The following KLHL1 variants were observed in gnomAD, a reference collection of about 807,000 sequenced individuals.
KLHL1 encodes kelch like family member 1.
A neutral mutation model predicts 77.7 loss-of-function variants in KLHL1; 47 were observed. The ratio of observed to expected loss-of-function variants is 0.60; its 90% CI spans 0.48 to 0.77. KLHL1 has a LOEUF of 0.77. Ranked by LOEUF, KLHL1 falls within the 30% of genes least tolerant of loss-of-function variation. The pLI is 0.00. For synonymous variants in KLHL1, 360 were observed against 325.2 expected (o/e 1.11, Z -1.15); for missense variants, 925 against 910.8 (o/e 1.02, Z -0.20).
intron 5 of KLHL1, among the ~76,000 whole-genome samples, chr13:69,851,966 C>T (rs914537785): frequency 6.6e-6 from 1 of 151,744 alleles, no homozygotes; most frequent in African/African-American, 2.4e-5. Context: ...ACTGTATTAG[C>T]TAAATGGGGT....
chr13:69,935,598 T>C lies in KLHL1; in HGVS notation c.1014+4442A>G, dbSNP rs186431925. Among the ~76,000 whole-genome samples the C allele has an allele frequency of 6.8e-4, 104 of 152,090 alleles. 1 individual carries two copies. The highest frequency in any genetic ancestry group is 7.9e-4 in the Non-Finnish European group (54 of 67,968). On this transcript the variant is annotated intron_variant, in intron 4 of 10. Transcript: ENST00000377844. ...ACATTTGACAAAGATCTGAATGAGG[T>C]AGAGAAGAAACAGATATAAATATTT...
intron 6 of KLHL1, among the ~76,000 whole-genome samples, chr13:69,832,068 G>C (rs1566302830): frequency 6.7e-6 from 1 of 149,714 alleles, no homozygotes; most frequent in Non-Finnish European, 1.5e-5. Flanking sequence ...TTACCACTTG[G>C]ATTCAACATA....
At chr13:69,975,865 TA>T in intron 1 of KLHL1, 63 bp from the exon 2 acceptor site, 1 of 1,458,524 alleles carries the variant, frequency 6.9e-7, no homozygotes, top group African/African-American at 1.5e-5. Flanking sequence ...AAGAGCCAAT[TA>T]TCTAGAATAA....
chr13:69,867,932 A>G (rs143252634), intron 5 of KLHL1, among the ~76,000 whole-genome samples: 2,719 of 152,106 alleles, frequency 0.018, 46 homozygotes, highest in Non-Finnish European at 0.027. Flanking sequence ...CAGCACACCA[A>G]CATGAAACAT....
intron 7 of KLHL1, among the ~76,000 whole-genome samples, chr13:69,743,515 T>G (rs1874069863): frequency 6.6e-6 from 1 of 152,190 alleles, no homozygotes; most frequent in Admixed American, 6.6e-5. Context: ...CTGGACGTGG[T>G]GGCTCACGCC....
intron 4 of KLHL1, among the ~76,000 whole-genome samples, chr13:69,911,740 C>A (rs1031303076): frequency 2.0e-5 from 3 of 152,004 alleles, no homozygotes; most frequent in Non-Finnish European, 2.9e-5. Flanking sequence ...TATAGTTGAG[C>A]CACTAAATGA....
intron 1 of KLHL1, among the ~76,000 whole-genome samples, chr13:69,978,533 T>C (rs113624660): frequency 0.33 from 49,657 of 150,602 alleles, 8,958 homozygotes; most frequent in African/African-American, 0.47. Context: ...GTCGCCCAGG[T>C]TGGGGTGCAG....
chr13:69,789,318 T>TTA (rs2138023486), intron 7 of KLHL1, among the ~76,000 whole-genome samples: 2 of 150,630 alleles, frequency 1.3e-5, no homozygotes, highest in South Asian at 4.2e-4. Context: ...AAAATAAGTC[T>TTA]TATTTAATAA....
chr13:69,949,702 T>C (rs1007010467), intron 3 of KLHL1, among the ~76,000 whole-genome samples: 1 of 151,794 alleles, frequency 6.6e-6, no homozygotes, highest in Non-Finnish European at 1.5e-5. Flanking sequence ...CTATTCTCCA[T>C]CATTTATTGG....
rs1888113219 is a variant in KLHL1, at chr13:70,107,847, G to A, written c.-148C>T. 1 of 623,220 alleles carries A rather than the reference G, an allele frequency of 1.6e-6. No individual in the cohort carries two copies. The highest frequency in any genetic ancestry group is 2.6e-6 in the Non-Finnish European group (1 of 380,934). 38.6% of individuals were successfully genotyped at this position (623,220 alleles called of 1,614,324 possible). On this transcript the variant is annotated 5_prime_UTR_variant, in exon 1 of 11. Coordinates refer to ENST00000377844, the MANE Select transcript of KLHL1 (RefSeq NM_020866.3). ...AGCCAGAAGACGCTAGGTGGGCTGC[G>A]CGCTCTGCCAGGCGAAGGCTGGAGC...
At chr13:69,785,516 A>G (rs553241637) in intron 7 of KLHL1, among the ~76,000 whole-genome samples, 2 of 152,184 alleles carry the variant, frequency 1.3e-5, no homozygotes, top group East Asian at 1.9e-4. Flanking sequence ...GTGTGTGGGT[A>G]GAGGGAAATT....
chr13:69,780,709 T>TAC (rs1555267653), intron 7 of KLHL1, among the ~76,000 whole-genome samples: 18 of 37,334 alleles, frequency 4.8e-4, no homozygotes, highest in African/African-American at 2.4e-3. Context: ...TATGTATATA[T>TAC]ATATATGTAT....
intron 1 of KLHL1, among the ~76,000 whole-genome samples, chr13:70,011,824 C>T (rs766443685): frequency 1.3e-5 from 2 of 152,090 alleles, no homozygotes; most frequent in Non-Finnish European, 2.9e-5. Flanking sequence ...CCGTATTTGT[C>T]CATTTTCATG....
At chr13:69,982,441 A>AATG (rs1159682956) in intron 1 of KLHL1, among the ~76,000 whole-genome samples, 1 of 76,116 alleles carries the variant, frequency 1.3e-5, no homozygotes, top group Non-Finnish European at 2.7e-5. Context: ...ATCTCCAAAT[A>AATG]ATAATAATAA....
chr13:69,722,811 C>T (rs1315765564), intron 8 of KLHL1, among the ~76,000 whole-genome samples: 2 of 151,934 alleles, frequency 1.3e-5, no homozygotes, highest in Non-Finnish European at 2.9e-5. Context: ...AGCAATCTCA[C>T]TACTTGGTGT....
chr13:70,105,581 T>C lies in KLHL1; in HGVS notation c.497+1622A>G, dbSNP rs1593748504. 3.3e-5 allele frequency among the ~76,000 whole-genome samples: 5 copies of C among 151,514 alleles called. No homozygotes were observed. In the South Asian group the frequency reaches 6.3e-4, roughly 19 times the overall value. ...AATAAAATAGTAACAGATAAATACT[T>C]AACCTAGTTTCCTTTTGAATATATA... On this transcript the variant is annotated intron_variant, in intron 1 of 10. Transcript: ENST00000377844.
intron 4 of KLHL1, among the ~76,000 whole-genome samples, chr13:69,910,564 A>G (rs1882204313): frequency 6.6e-6 from 1 of 152,162 alleles, no homozygotes; most frequent in African/African-American, 2.4e-5. Flanking sequence ...AAAGCAGACA[A>G]GCTCAGATAA....
intron 7 of KLHL1, among the ~76,000 whole-genome samples, chr13:69,794,328 C>G (rs1877006991): frequency 6.6e-6 from 1 of 152,152 alleles, no homozygotes; most frequent in Non-Finnish European, 1.5e-5. Flanking sequence ...TATCATATGC[C>G]TTAGCCCTTC....
chr13:69,890,373 G>A (rs1195674226), intron 4 of KLHL1, among the ~76,000 whole-genome samples: 1 of 151,842 alleles, frequency 6.6e-6, no homozygotes, highest in Non-Finnish European at 1.5e-5. Context: ...TTCTTAAATT[G>A]GAAACATTCT....
Sources: allele counts gnomAD v4.1 joint callset (sites outside exome capture counted in the v4.1 genomes callset), GRCh38; gene constraint gnomAD v4.1.1; transcripts MANE v1.5; gene names NCBI Gene and HGNC (gene_info 2026-07-23, HGNC 2026-07-21).